ASIC2: variants seen among roughly 807,000 people sequenced by gnomAD.
ASIC2 encodes acid-sensing ion channel 2.
In ASIC2, 25 loss-of-function variants were observed where a neutral mutation model predicts 57.3. The observed-to-expected ratio is 0.44, with a 90% CI of 0.32 to 0.61. The LOEUF is 0.61. ASIC2 is among the 20% of genes least tolerant of loss of function. The pLI is 0.06. For missense variants in ASIC2, 641 were observed against 738.1 expected (o/e 0.87, Z 1.52); for synonymous variants, 319 against 307.5 (o/e 1.04, Z -0.39).
chr17:34,153,289 C>T (rs527955890), intron 1 of ASIC2, among the ~76,000 whole-genome samples: 10 of 152,210 alleles, frequency 6.6e-5, no homozygotes, highest in East Asian at 5.8e-4. Context: ...AGTCAGCCAC[C>T]GCACTTAAAG....
intron 1 of ASIC2, among the ~76,000 whole-genome samples, chr17:34,022,928 T>C (rs1428465644): frequency 6.6e-6 from 1 of 152,076 alleles, no homozygotes; most frequent in Non-Finnish European, 1.5e-5. Flanking sequence ...TGATAGTGAG[T>C]GAGTTCTCAT....
At chr17:33,063,098 G>T (rs1415182053) in intron 3 of ASIC2, among the ~76,000 whole-genome samples, 1 of 152,144 alleles carries the variant, frequency 6.6e-6, no homozygotes, top group Non-Finnish European at 1.5e-5. Context: ...ACACTGATGG[G>T]TCTTGACTCG....
intron 1 of ASIC2, among the ~76,000 whole-genome samples, chr17:33,721,218 T>C (rs1469323692): frequency 6.6e-6 from 1 of 152,166 alleles, no homozygotes; most frequent in African/African-American, 2.4e-5. Flanking sequence ...CCCCATCTCT[T>C]GGTCTCTGTT....
chr17:33,152,749 C>T (rs771222186), intron 1 of ASIC2, among the ~76,000 whole-genome samples: 9 of 152,200 alleles, frequency 5.9e-5, no homozygotes, highest in Non-Finnish European at 1.3e-4. Flanking sequence ...ATTCCCTGTA[C>T]ATCATCCCTT....
At chr17:33,582,735 G>A (rs1045576300) in intron 1 of ASIC2, among the ~76,000 whole-genome samples, 2 of 152,042 alleles carry the variant, frequency 1.3e-5, no homozygotes, top group Non-Finnish European at 2.9e-5. Context: ...CAAGGTACTC[G>A]ATTGGTCTCC....
intron 1 of ASIC2, among the ~76,000 whole-genome samples, chr17:33,443,675 C>G (rs1911912373): frequency 3.3e-5 from 5 of 151,854 alleles, no homozygotes; most frequent in Admixed American, 2.0e-4. Context: ...CTCGGCCTCC[C>G]AAAGTGCTGG....
In ASIC2 at chr17:33,510,861, C is replaced by G. The variant is rs1914409886; in HGVS notation, c.556-398794G>C. On this transcript the variant is annotated intron_variant, in intron 1 of 9. Transcript: ENST00000359872. Reference sequence around the variant, plus strand: ...GGCCTTGTGAACCCACATTCTCTGCCCGTAGACATGAACATGTCACCCTGC... The same window carrying G: ...GGCCTTGTGAACCCACATTCTCTGCGCGTAGACATGAACATGTCACCCTGC... Among the ~76,000 whole-genome samples, 2 of 152,060 alleles carry G rather than the reference C, an allele frequency of 1.3e-5. 1 individual carries two copies. The highest frequency in any genetic ancestry group is 4.2e-4 in the South Asian group (2 of 4,804).
At chr17:33,897,066 G>C (rs1312880209) in intron 1 of ASIC2, among the ~76,000 whole-genome samples, 1 of 152,160 alleles carries the variant, frequency 6.6e-6, no homozygotes, top group Non-Finnish European at 1.5e-5. Context: ...AGATGTCCAT[G>C]GGTAGGCACA....
intron 1 of ASIC2, among the ~76,000 whole-genome samples, chr17:33,202,481 T>A (rs1364953782): frequency 6.6e-6 from 1 of 152,126 alleles, no homozygotes; most frequent in African/African-American, 2.4e-5. Context: ...CTAGAGATTG[T>A]CCGCCCCATC....
chr17:33,104,211 C>T (rs1398671176), intron 2 of ASIC2, among the ~76,000 whole-genome samples: 1 of 152,108 alleles, frequency 6.6e-6, no homozygotes, highest in Non-Finnish European at 1.5e-5. Flanking sequence ...ATAAAAAAAA[C>T]CCTTCGATTG....
intron 1 of ASIC2, among the ~76,000 whole-genome samples, chr17:33,438,823 G>T (rs932391428): frequency 6.6e-6 from 1 of 151,374 alleles, no homozygotes; most frequent in African/African-American, 2.4e-5. Flanking sequence ...GTTCTGGGGT[G>T]GAGAAATAAT....
intron 1 of ASIC2, among the ~76,000 whole-genome samples, chr17:33,459,816 A>G (rs1434817833): frequency 6.6e-6 from 1 of 152,134 alleles, no homozygotes; most frequent in Non-Finnish European, 1.5e-5. Context: ...TGCCCTTTCC[A>G]GGCTGAGCTC....
intron 1 of ASIC2, among the ~76,000 whole-genome samples, chr17:33,255,339 C>T (rs1386536885): frequency 6.6e-6 from 1 of 151,426 alleles, no homozygotes; most frequent in East Asian, 1.9e-4. Flanking sequence ...CATGCCTGGC[C>T]AGAAAGAAAG....
chr17:33,768,204 G>C lies in ASIC2; in HGVS notation c.555+387774C>G, dbSNP rs1419885501. ...TTTTGTGTTTTTATTTTTTTTATTA[G>C]AGATGGGGTTTCACCGTGGTCTCGA... On this transcript the variant is annotated intron_variant, in intron 1 of 9. Transcript: ENST00000359872. Among the ~76,000 whole-genome samples, 3 of 151,846 alleles carry C rather than the reference G, an allele frequency of 2.0e-5. No individual in the cohort carries two copies. In the East Asian group the frequency reaches 5.8e-4, roughly 29 times the overall value.
chr17:33,913,712 A>G (rs1348691837), intron 1 of ASIC2, among the ~76,000 whole-genome samples: 2 of 150,908 alleles, frequency 1.3e-5, no homozygotes, highest in Non-Finnish European at 2.9e-5. Context: ...CTTATTCTGC[A>G]TATATAAGAT....
At chr17:33,074,178 A>G (rs1749811340) in intron 3 of ASIC2, among the ~76,000 whole-genome samples, 1 of 152,206 alleles carries the variant, frequency 6.6e-6, no homozygotes, top group African/African-American at 2.4e-5. Flanking sequence ...AAGCATAACC[A>G]TTACTTTCAA....
rs148028395 is a variant in ASIC2 at position 33,234,691 on chromosome 17, C to T, written c.708+56717G>A. Among the ~76,000 whole-genome samples the T allele has an allele frequency of 5.5e-3, 832 of 152,320 alleles. 3 individuals carry two copies. The highest frequency in any genetic ancestry group is 0.01 in the Middle Eastern group (3 of 294). ...TTGGAAGAGGGACTGCTTCCCATTT[C>T]CTAAATGGCATCTTCTTGCTGTATC... is the stretch of plus-strand genomic sequence containing the variant. On this transcript the variant is annotated intron_variant, in intron 1 of 9. Transcript: ENST00000225823.
At chr17:33,446,943 G>T (rs1272256783) in intron 1 of ASIC2, among the ~76,000 whole-genome samples, 1 of 152,212 alleles carries the variant, frequency 6.6e-6, no homozygotes, top group African/African-American at 2.4e-5. Context: ...TCATTTGGTA[G>T]ATTAAATGAG....
Position 33,204,650 on chromosome 17 carries a change from C to T in ASIC2, c.708+86758G>A, listed in dbSNP as rs1906994360. Among the ~76,000 whole-genome samples the T allele has an allele frequency of 4.6e-5, 7 of 152,212 alleles. No individual in the cohort carries two copies. In the South Asian group the frequency reaches 1.5e-3, roughly 32 times the overall value. On this transcript the variant is annotated intron_variant, in intron 1 of 9. Coordinates refer to ENST00000225823, the MANE Select transcript of ASIC2 (RefSeq NM_183377.2). ...ATTTCATCCTCCAGCCAAGTTGGGT[C>T]AGACATGAGCATGTGACCCAAGTGA...
Sources: gnomAD v4.1 joint callset for allele counts (sites outside exome capture counted in the v4.1 genomes callset) on GRCh38, gnomAD v4.1.1 for gene constraint, MANE v1.5 for transcripts, NCBI Gene and HGNC (gene_info 2026-07-23, HGNC 2026-07-21) for gene names.